MCC: variants seen among roughly 807,000 people sequenced by gnomAD.
MCC encodes MCC regulator of Wnt signaling pathway, also known as colorectal mutant cancer protein.
In MCC, 90 loss-of-function variants were observed where a neutral mutation model predicts 116.2. That is an observed-to-expected ratio of 0.77 (90% CI 0.65 to 0.92). The LOEUF (loss-of-function observed/expected upper bound fraction) is 0.92, where lower values mean the gene tolerates loss of function less well. Ranked by LOEUF, MCC falls within the 40% of genes least tolerant of loss-of-function variation. MCC has a pLI of 0.00. For synonymous variants in MCC, 578 were observed against 510.5 expected, an observed-to-expected ratio of 1.13 and a Z score of -1.78; for missense variants, 1,516 against 1,312.2, an observed-to-expected ratio of 1.16 and a Z score of -2.40.
Position 113,469,720 on chromosome 5 carries a change from C to G in MCC, c.170+18525G>C, listed in dbSNP as rs1772025637. On this transcript the variant is annotated intron_variant, in intron 1 of 18. Transcript: ENST00000408903. ...AGGTCACTTGGTGCAGAGCTGAGTT[C>G]AATTCCTGGGTATCCTTGTTAACTT... Among the ~76,000 whole-genome samples the G allele has an allele frequency of 3.9e-5, 6 of 152,118 alleles. No homozygotes were observed. In the South Asian group the frequency reaches 1.2e-3, roughly 32 times the overall value.
chr5:113,377,203 C>A (rs536300643), intron 2 of MCC, among the ~76,000 whole-genome samples: 56 of 152,132 alleles, frequency 3.7e-4, no homozygotes, highest in Non-Finnish European at 5.1e-4. Context: ...ACTTCTTCTT[C>A]AAAGTATTAG....
At chr5:113,106,962 T>A (rs1222617677) in intron 6 of MCC, among the ~76,000 whole-genome samples, 1 of 152,208 alleles carries the variant, frequency 6.6e-6, no homozygotes, top group African/African-American at 2.4e-5. Context: ...TTCCCTATCT[T>A]CTTATCCTAT....
At chr5:113,365,194 C>A (rs992451382) in intron 2 of MCC, among the ~76,000 whole-genome samples, 1 of 152,170 alleles carries the variant, frequency 6.6e-6, no homozygotes, top group Non-Finnish European at 1.5e-5. Flanking sequence ...TTTCTGCTCA[C>A]ACATATGAGC....
chr5:113,105,858 A>G (rs984779454), intron 6 of MCC, among the ~76,000 whole-genome samples: 1 of 152,188 alleles, frequency 6.6e-6, no homozygotes, highest in African/African-American at 2.4e-5. Flanking sequence ...ATTCATATAA[A>G]GTCCCAACTC....
rs1580965136 is a variant in MCC, at chr5:113,063,993, C to G, written c.2204G>C (p.Ser735Thr). 1 of 1,612,204 alleles carries G rather than the reference C, an allele frequency of 6.2e-7. No homozygotes were observed. The highest frequency in any genetic ancestry group is 8.5e-7 in the Non-Finnish European group (1 of 1,179,440). ...VQPWESLSSN[S>T]HTSTTSSTAS... Reference sequence around the variant, plus strand: ...GAAGGCTGAGCATTACCTGGTGTGGCTGTTGGAGGAAAGGCTCTCCCAGGG... The same window carrying G: ...GAAGGCTGAGCATTACCTGGTGTGGGTGTTGGAGGAAAGGCTCTCCCAGGG... The change falls in exon 14 of 19, where the codon AGC becomes ACC. Residue 735 changes from serine (S) to threonine (T), a missense_variant. Physicochemically the swap from Ser to Thr is moderately conservative, Grantham distance 58. Coordinates refer to ENST00000408903, the MANE Select transcript of MCC (RefSeq NM_001085377.2).
At chr5:113,068,242 G>A (rs1013295297) in intron 12 of MCC, 59 bp from the exon 13 acceptor site, 2 of 1,360,726 alleles carry the variant, frequency 1.5e-6, no homozygotes, top group East Asian at 4.8e-5. Context: ...CCTTCAATGT[G>A]GCGCCGGTTT....
intron 11 of MCC, among the ~76,000 whole-genome samples, chr5:113,077,797 A>C (rs1424916282): frequency 6.6e-6 from 1 of 152,194 alleles, no homozygotes; most frequent in East Asian, 1.9e-4. Flanking sequence ...GGCAAGAAAA[A>C]ACTAAGATCA....
Position 113,065,455 on chromosome 5 carries a change from T to G in MCC, c.2030-1288A>C, listed in dbSNP as rs59325409. ...TACCTGTACAGCACAGATCCATGCT[T>G]TTCCAAATATTTTTAAATGAAATCT... On this transcript the variant is annotated intron_variant, in intron 13 of 18. Transcript: ENST00000408903. Among the ~76,000 whole-genome samples the G allele has an allele frequency of 1.5e-3, 226 of 152,282 alleles. 6 individuals are homozygous for G. The East Asian group carries it at 0.04, about 27-fold the overall frequency.
chr5:113,027,525 A>T, intron 18 of MCC, 43 bp from the exon 19 acceptor site: 1 of 1,581,300 alleles, frequency 6.3e-7, no homozygotes, highest in Admixed American at 1.7e-5. Flanking sequence ...ATTCATCCTA[A>T]GTAGCATCGT....
At chr5:113,278,882 T>C (rs1047615619) in intron 3 of MCC, among the ~76,000 whole-genome samples, 1 of 152,248 alleles carries the variant, frequency 6.6e-6, no homozygotes, top group Admixed American at 6.5e-5. Flanking sequence ...CTCACCACCA[T>C]ATAGTCTGGT....
At chr5:113,178,907 C>G (rs1190355425) in intron 3 of MCC, among the ~76,000 whole-genome samples, 2 of 69,546 alleles carry the variant, frequency 2.9e-5, no homozygotes, top group African/African-American at 1.1e-4. Context: ...TCTCATTTAT[C>G]TTATCAAAAA....
intron 3 of MCC, among the ~76,000 whole-genome samples, chr5:113,335,344 T>G (rs186624700): frequency 6.6e-6 from 1 of 151,900 alleles, no homozygotes; most frequent in East Asian, 1.9e-4. Flanking sequence ...CTAGTATAAT[T>G]AATTTTAATG....
intron 3 of MCC, among the ~76,000 whole-genome samples, chr5:113,323,745 G>C (rs949813164): frequency 9.2e-5 from 14 of 152,122 alleles, no homozygotes; most frequent in African/African-American, 3.1e-4. Flanking sequence ...CGTGGGCCTG[G>C]AGCAGTAATG....
At chr5:113,262,021 A>T (rs1186649895) in intron 3 of MCC, among the ~76,000 whole-genome samples, 1 of 152,152 alleles carries the variant, frequency 6.6e-6, no homozygotes, top group Non-Finnish European at 1.5e-5. Flanking sequence ...GGAGAGAATG[A>T]TTAACCACTC....
At chr5:113,094,859 C>G (rs1432203389) in intron 8 of MCC, among the ~76,000 whole-genome samples, 1 of 152,192 alleles carries the variant, frequency 6.6e-6, no homozygotes, top group East Asian at 1.9e-4. Context: ...GTGCCCACAG[C>G]AGGAGTTGCC....
At chr5:113,200,111 G>C (rs115026321) in intron 3 of MCC, among the ~76,000 whole-genome samples, 2 of 152,126 alleles carry the variant, frequency 1.3e-5, no homozygotes, top group African/African-American at 2.4e-5. Context: ...GTGGAATTTG[G>C]AAAGTGGAGG....
At position 113,157,120 on chromosome 5, in the gene MCC, G is replaced by C. The variant is rs1760214120; in HGVS notation, c.628-5698C>G. Among the ~76,000 whole-genome samples the C allele has an allele frequency of 2.0e-5, 3 of 152,182 alleles. No homozygotes were observed. In the South Asian group the frequency reaches 6.2e-4, roughly 32 times the overall value. ...CTGCAGTCCAATGACTCTGATGAGA[G>C]CCCCTCCAGGAGTGTCACTGCGTAT... On this transcript the variant is annotated intron_variant, in intron 3 of 18. Transcript: ENST00000408903.
chr5:113,027,107 C>G lies in MCC; in HGVS notation c.*195G>C. On this transcript the variant is annotated 3_prime_UTR_variant, in exon 19 of 19. Coordinates refer to ENST00000408903, the MANE Select transcript of MCC (RefSeq NM_001085377.2). ...GGGCCCAGGAGGGAAGAGCGGGCAC[C>G]TCTGGATACAGTCCACAATGTCACC... The G allele has an allele frequency of 1.7e-6, 1 of 598,504 alleles. No individual in the cohort carries two copies. Among genetic ancestry groups the G allele is most frequent in the Non-Finnish European group, 2.9e-6 (1 of 339,956 alleles). 37.1% of individuals were successfully genotyped at this position (598,504 alleles called of 1,614,324 possible). A position where few individuals can be genotyped will look rare whatever the true frequency, so the allele number is the denominator to read the frequency against.
At chr5:113,081,467 T>C (rs1445372329) in intron 11 of MCC, among the ~76,000 whole-genome samples, 1 of 152,208 alleles carries the variant, frequency 6.6e-6, no homozygotes, top group Non-Finnish European at 1.5e-5. Context: ...CCCCCTTCTT[T>C]GGTCTCTCCT....
Sources: allele counts gnomAD v4.1 joint callset (sites outside exome capture counted in the v4.1 genomes callset), GRCh38; gene constraint gnomAD v4.1.1; transcripts MANE v1.5; gene names NCBI Gene and HGNC (gene_info 2026-07-23, HGNC 2026-07-21).